Variants in PARN observed in about 807,000 individuals in gnomAD.
The protein encoded by PARN is poly(A)-specific ribonuclease PARN.
Under a neutral mutation model 102.8 loss-of-function variants are expected in PARN, and 71 were observed. The observed-to-expected ratio is 0.69, with a 90% CI of 0.57 to 0.84. PARN has a LOEUF of 0.84. Ranked by LOEUF, PARN falls within the 40% of genes least tolerant of loss-of-function variation. The pLI is 0.00. For missense variants in PARN, 782 were observed against 760.9 expected (o/e 1.03, Z -0.33); for synonymous variants, 261 against 252.9 (o/e 1.03, Z -0.30).
At chr16:14,466,024 GA>G (rs1201976224) in intron 22 of PARN, among the ~76,000 whole-genome samples, 1 of 152,080 alleles carries the variant, frequency 6.6e-6, no homozygotes. Context: ...AGGAGGATCA[GA>G]AAAAAGTAAC....
chr16:14,592,443 T>C (rs1278736075), intron 13 of PARN, among the ~76,000 whole-genome samples: 3 of 150,780 alleles, frequency 2.0e-5, no homozygotes, highest in Non-Finnish European at 4.4e-5. Flanking sequence ...AATAAAAGAG[T>C]GGAGCGCAGA....
intron 21 of PARN, among the ~76,000 whole-genome samples, chr16:14,530,975 T>TCATTCATCCATC (rs769620034): frequency 3.3e-5 from 5 of 151,374 alleles, no homozygotes; most frequent in Non-Finnish European, 4.4e-5. Context: ...ATTCATTCAT[T>TCATTCATCCATC]CATCCATCCA....
chr16:14,570,199 T>G (rs1968703255), intron 18 of PARN, among the ~76,000 whole-genome samples: 1 of 149,312 alleles, frequency 6.7e-6, no homozygotes, highest in Non-Finnish European at 1.5e-5. Context: ...ATTAGCAGGG[T>G]GCAGTGGCAC....
intron 22 of PARN, among the ~76,000 whole-genome samples, chr16:14,474,450 A>G (rs1192056226): frequency 6.6e-6 from 1 of 152,256 alleles, no homozygotes; most frequent in African/African-American, 2.4e-5. Context: ...CAGGTTTAGA[A>G]GAGACTGCCA....
chr16:14,611,705 T>TA (rs1187579557), intron 6 of PARN, among the ~76,000 whole-genome samples: 2 of 152,174 alleles, frequency 1.3e-5, no homozygotes, highest in African/African-American at 4.8e-5. Flanking sequence ...CACACCAGGC[T>TA]AATTTTTGTA....
At chr16:14,494,678 TGAG>T (rs1964224102) in intron 21 of PARN, among the ~76,000 whole-genome samples, 1 of 152,216 alleles carries the variant, frequency 6.6e-6, no homozygotes, top group African/African-American at 2.4e-5. Context: ...AGCGCCACAC[TGAG>T]GAGTTCAGTC....
intron 19 of PARN, 84 bp from the exon 20 acceptor site, chr16:14,554,235 G>A: frequency 1.1e-6 from 1 of 879,754 alleles, no homozygotes; most frequent in Non-Finnish European, 1.8e-6. Context: ...CTAAGTCTGA[G>A]CTAATTTGGA....
intron 21 of PARN, among the ~76,000 whole-genome samples, chr16:14,544,306 G>A (rs557697795): frequency 5.9e-5 from 9 of 152,294 alleles, no homozygotes; most frequent in Admixed American, 2.0e-4. Flanking sequence ...TGGGTGTGGC[G>A]GCTCACATCT....
At chr16:14,541,008 C>T (rs1333901877) in intron 21 of PARN, among the ~76,000 whole-genome samples, 3 of 151,930 alleles carry the variant, frequency 2.0e-5, no homozygotes, top group South Asian at 2.1e-4. Flanking sequence ...GCACAGATTT[C>T]GGCCAAACAC....
At chr16:14,560,671 G>C (rs1163664685) in intron 18 of PARN, among the ~76,000 whole-genome samples, 6 of 152,204 alleles carry the variant, frequency 3.9e-5, no homozygotes, top group Non-Finnish European at 5.9e-5. Flanking sequence ...AGTCTGGAAA[G>C]ACTCCAGGGT....
intron 22 of PARN, among the ~76,000 whole-genome samples, chr16:14,467,057 A>G (rs1168455807): frequency 2.0e-5 from 3 of 152,226 alleles, no homozygotes; most frequent in East Asian, 3.8e-4. Context: ...ATGCCCCTGC[A>G]GGCAAATGAC....
chr16:14,570,526 T>C (rs1164955802), intron 18 of PARN, among the ~76,000 whole-genome samples: 1 of 150,824 alleles, frequency 6.6e-6, no homozygotes, highest in African/African-American at 2.4e-5. Flanking sequence ...GGCGCATGCT[T>C]GTAGTCTCAG....
At chr16:14,523,345 C>A (rs539956293) in intron 21 of PARN, among the ~76,000 whole-genome samples, 3 of 152,092 alleles carry the variant, frequency 2.0e-5, no homozygotes, top group African/African-American at 7.2e-5. Context: ...AAGATTGGGA[C>A]GTTTCTGACA....
intron 18 of PARN, among the ~76,000 whole-genome samples, chr16:14,562,450 A>G (rs1313359479): frequency 6.6e-6 from 1 of 151,146 alleles, no homozygotes; most frequent in African/African-American, 2.4e-5. Flanking sequence ...AAAAAAAAAA[A>G]AACTATGAAT....
intron 13 of PARN, among the ~76,000 whole-genome samples, chr16:14,592,885 C>T (rs1970278379): frequency 6.6e-6 from 1 of 152,182 alleles, no homozygotes; most frequent in African/African-American, 2.4e-5. Context: ...GGCCTGTAAT[C>T]CCAGCACTAT....
intron 22 of PARN, among the ~76,000 whole-genome samples, chr16:14,450,640 G>A (rs1961408037): frequency 6.6e-6 from 1 of 152,078 alleles, no homozygotes; most frequent in Non-Finnish European, 1.5e-5. Context: ...AGACACCAGA[G>A]TAGCAATGAG....
chr16:14,485,216 A>T (rs898867307), intron 21 of PARN, among the ~76,000 whole-genome samples: 53 of 152,354 alleles, frequency 3.5e-4, no homozygotes, highest in African/African-American at 1.2e-3. Context: ...AAAGTTACTC[A>T]TATCAGAGAG....
At position 14,580,926 on chromosome 16, in the gene PARN, G is replaced by C. The variant is rs1482301311; in HGVS notation, c.1210C>G (p.Pro404Ala). Residue 404 changes from proline to alanine, a missense_variant, in exon 18 of 24, where the codon CCA (proline) becomes GCA (alanine). By Grantham distance (27) the Pro-to-Ala change is conservative (BLOSUM62 -1). Transcript: ENST00000437198. ...ANYLGSFLSP[P>A]KIHVSARSKL... ...GATCTGGCAGACACATGAATTTTTG[G>C]AGGGCTGAGAAAAGAACCTAATGAA... is the stretch of plus-strand genomic sequence containing the variant. The C allele has an allele frequency of 6.2e-7, 1 of 1,607,698 alleles. No individual in the cohort carries two copies. Among genetic ancestry groups the C allele is most frequent in the Non-Finnish European group, 8.5e-7 (1 of 1,174,382 alleles).
chr16:14,484,181 C>T (rs1377977006), intron 21 of PARN, among the ~76,000 whole-genome samples: 2 of 152,250 alleles, frequency 1.3e-5, no homozygotes, highest in East Asian at 3.8e-4. Flanking sequence ...AGTACTTGAA[C>T]ACTGGGGCTT....
Sources: gnomAD v4.1 joint callset for allele counts (sites outside exome capture counted in the v4.1 genomes callset) on GRCh38, gnomAD v4.1.1 for gene constraint, MANE v1.5 for transcripts, NCBI Gene and HGNC (gene_info 2026-07-23, HGNC 2026-07-21) for gene names.